LRP4: variants seen among roughly 807,000 people sequenced by gnomAD.
The protein encoded by LRP4 is low-density lipoprotein receptor-related protein 4.
LRP4 carries 95 observed loss-of-function variants against 220.3 expected under a neutral mutation model. The observed-to-expected ratio is 0.43, with a 90% CI of 0.37 to 0.51. The LOEUF (loss-of-function observed/expected upper bound fraction) is 0.51, where lower values mean the gene tolerates loss of function less well. LRP4 is among the 20% of genes least tolerant of loss of function. The pLI is 0.00. For synonymous variants in LRP4, 903 were observed against 954.6 expected (o/e 0.95, Z 1.00); for missense variants, 1,925 against 2,567.0 (o/e 0.75, Z 5.40).
At position 46,898,599 on chromosome 11, in the gene LRP4, C is replaced by G; in HGVS notation, c.755G>C (p.Gly252Ala). 6.2e-7 allele frequency: 1 copy of G among 1,614,214 alleles called. No homozygotes were observed. The highest frequency in any genetic ancestry group is 8.5e-7 in the Non-Finnish European group (1 of 1,180,034). Residue 252 changes from glycine to alanine, a missense_variant, in exon 7 of 38, where the codon GGT becomes GCT. Gly to Ala is a moderately conservative substitution (Grantham distance 60, BLOSUM62 0). Coordinates refer to ENST00000378623, the MANE Select transcript of LRP4 (RefSeq NM_002334.4). ...LCINAGWRCD[G>A]DADCDDQSDE... ...AGACTGGTCATCACAGTCCGCGTCA[C>G]CATCGCAGCGCCAGCCTGCATTGAT...
intron 30 of LRP4, among the ~76,000 whole-genome samples, chr11:46,872,116 C>T (rs61898465): frequency 0.088 from 13,343 of 152,066 alleles, 603 homozygotes; most frequent in Non-Finnish European, 0.1. Flanking sequence ...ATTAGCCAGG[C>T]GTGGTGACAC....
Position 46,890,608 on chromosome 11 carries a change from T to G in LRP4, c.1698-114A>C. On this transcript the variant is annotated intron_variant, in intron 13 of 37. Transcript: ENST00000378623. This position sits in a 1 kb window ranked among gnomAD's most constrained non-coding sequence, Gnocchi z 5.3. ...TAACTCAGGGGACTCCAATGTTTGG[T>G]CCACAGAATGAATTTTTTTTTTAGA... 2.7e-6 allele frequency: 2 copies of G among 744,300 alleles called. No homozygotes were observed. The highest frequency in any genetic ancestry group is 3.1e-5 in the South Asian group (2 of 64,238). 46.1% of individuals were successfully genotyped at this position (744,300 alleles called of 1,614,324 possible).
rs144542934 is a variant in LRP4, at chr11:46,896,488, T to A, written c.923-153A>T. Among the ~76,000 whole-genome samples the A allele has an allele frequency of 2.8e-3, 429 of 152,332 alleles. 2 individuals carry two copies. The highest frequency in any genetic ancestry group is 9.8e-3 in the African/African-American group (406 of 41,580). ...AGGAAGCAGCTCAGACAGGGCTGGCTGAATGTCTGCATTTGCTTTCTCCCC... is the reference window on the plus strand; with the variant it reads ...AGGAAGCAGCTCAGACAGGGCTGGCAGAATGTCTGCATTTGCTTTCTCCCC... On this transcript the variant is annotated intron_variant, in intron 8 of 37. Transcript: ENST00000378623.
chr11:46,894,877 C>T, intron 11 of LRP4, 58 bp from the exon 12 acceptor site: 2 of 1,440,940 alleles, frequency 1.4e-6, no homozygotes, highest in Non-Finnish European at 2.0e-6. Context: ...CCCTGGTACC[C>T]ATCAGCAGGT....
chr11:46,875,776 T>C lies in LRP4; in HGVS notation c.3699+28A>G, dbSNP rs1358112400. 3 of 1,613,832 alleles carry C rather than the reference T, an allele frequency of 1.9e-6. No individual in the cohort carries two copies. Among genetic ancestry groups the C allele is most frequent in the East Asian group, 2.2e-5 (1 of 44,878 alleles). On this transcript the variant is annotated intron_variant, in intron 26 of 37. Coordinates refer to ENST00000378623, the MANE Select transcript of LRP4 (RefSeq NM_002334.4). This position sits in a 1 kb window ranked among gnomAD's most constrained non-coding sequence, Gnocchi z 4.5. Reference sequence around the variant, plus strand: ...GGCCTTTCCCATCTTCCCAGGCTCCTGGGAAGCAGCAGGGACACGGCTCTC... The same window carrying C: ...GGCCTTTCCCATCTTCCCAGGCTCCCGGGAAGCAGCAGGGACACGGCTCTC...
chr11:46,918,287 G>A lies in LRP4; in HGVS notation c.52+41C>T. 6.6e-7 allele frequency: 1 copy of A among 1,506,926 alleles called. No homozygotes were observed. The highest frequency in any genetic ancestry group is 8.8e-7 in the Non-Finnish European group (1 of 1,132,728). 93.3% of individuals were successfully genotyped at this position (1,506,926 alleles called of 1,614,324 possible). On this transcript the variant is annotated intron_variant, in intron 1 of 37. Transcript: ENST00000378623. The surrounding 1 kb of genome is among the most constrained non-coding windows in gnomAD (Gnocchi z 6.0). Reference sequence around the variant, plus strand: ...GTCCCGGGAGGCGAGTCCTGCAGCGGCCGGACCCAGGGACAAACTTTCCCG... The same window carrying A: ...GTCCCGGGAGGCGAGTCCTGCAGCGACCGGACCCAGGGACAAACTTTCCCG...
Position 46,909,145 on chromosome 11 carries a change from TG to T in LRP4, c.53-6217del, listed in dbSNP as rs563856410. On this transcript the variant is annotated intron_variant, in intron 1 of 37. Coordinates refer to ENST00000378623, the MANE Select transcript of LRP4 (RefSeq NM_002334.4). ...ATTCCATAGAATGCACAGCTGAAGG[TG>T]GACCACATCTGTCACATGGAGGCAC... 2.8e-3 allele frequency among the ~76,000 whole-genome samples: 427 copies of T among 152,166 alleles called. 1 individual carries two copies. The highest frequency in any genetic ancestry group is 4.4e-3 in the Non-Finnish European group (302 of 67,998).
chr11:46,883,532 A>G (rs542513522), intron 19 of LRP4, among the ~76,000 whole-genome samples: 1 of 152,340 alleles, frequency 6.6e-6, no homozygotes, highest in South Asian at 2.1e-4. Context: ...CTTTTAGTTA[A>G]TATCTATAGA....
chr11:46,897,126 GTCTT>G lies in LRP4; in HGVS notation c.797-136_797-133del. On this transcript the variant is annotated intron_variant, in intron 7 of 37. Transcript: ENST00000378623. ...CGGGATCACAGCTGGTCTATATAGTGTCTTTGTGTGAATCAGAAAAAAGTATCCT... is the reference window on the plus strand; with the variant it reads ...CGGGATCACAGCTGGTCTATATAGTGTGTGTGAATCAGAAAAAAGTATCCT... 3 of 1,168,440 alleles carry G rather than the reference GTCTT, an allele frequency of 2.6e-6. No individual in the cohort carries two copies. In the Admixed American group the frequency reaches 5.6e-5, roughly 22 times the overall value. 72.4% of individuals were successfully genotyped at this position (1,168,440 alleles called of 1,614,324 possible).
Position 46,893,033 on chromosome 11 carries a change from T to C in LRP4, c.1637A>G (p.Lys546Arg), listed in dbSNP as rs1313161330. 6.2e-7 allele frequency: 1 copy of C among 1,613,946 alleles called. No homozygotes were observed. The highest frequency in any genetic ancestry group is 8.5e-7 in the Non-Finnish European group (1 of 1,179,976). The change falls in exon 13 of 38, where the codon AAA becomes AGA. Residue 546 changes from lysine to arginine, a missense_variant. Around this residue, in one of 3 missense-constraint regions of LRP4, gnomAD observed 269 missense variants for 436.7 expected, o/e 0.62. Coordinates refer to ENST00000378623, the MANE Select transcript of LRP4 (RefSeq NM_002334.4). ...CTCCAGGTTCTGCCACAGCAACACT[T>C]TCCGGTGGGCCCCATCCAGATTGGC... ...EVANLDGAHR[K>R]VLLWQNLEKP...
chr11:46,889,445 G>T lies in LRP4; in HGVS notation c.2181C>A (p.Gly727=). Residue 727 remains glycine, a synonymous_variant, in exon 16 of 38, where the codon GGC becomes GGA. Transcript: ENST00000378623. ...GQNYTCACPT[G]FRKISSHACA... is the part of the protein sequence containing the mutation. ...AGGCGTGGCTGCTGATCTTGCGGAA[G>T]CCAGTGGGGCAGGCACAGGTGTAGT... The T allele has an allele frequency of 6.2e-7, 1 of 1,614,120 alleles. No homozygotes were observed. The highest frequency in any genetic ancestry group is 8.5e-7 in the Non-Finnish European group (1 of 1,180,030).
In LRP4 at chr11:46,893,054, T is replaced by C. The variant is rs1023591098; in HGVS notation, c.1616A>G (p.Asn539Ser). 3 of 1,614,178 alleles carry C rather than the reference T, an allele frequency of 1.9e-6. No individual in the cohort carries two copies. The highest frequency in any genetic ancestry group is 2.5e-6 in the Non-Finnish European group (3 of 1,180,022). The change falls in exon 13 of 38, where the codon AAT (asparagine) becomes AGT (serine). Residue 539 changes from asparagine (N) to serine (S), a missense_variant. By Grantham distance (46) the Asn-to-Ser change is conservative. Around this residue, in one of 3 missense-constraint regions of LRP4, gnomAD observed 269 missense variants for 436.7 expected, o/e 0.62. Coordinates refer to ENST00000378623, the MANE Select transcript of LRP4 (RefSeq NM_002334.4). ...CACTTTCCGGTGGGCCCCATCCAGATTGGCCACCTCAATCCTCGAGGTGCC... is the reference window on the plus strand; with the variant it reads ...CACTTTCCGGTGGGCCCCATCCAGACTGGCCACCTCAATCCTCGAGGTGCC... ...DSGTSRIEVA[N>S]LDGAHRKVLL...
Position 46,900,285 on chromosome 11 carries a change from T to C in LRP4, c.293A>G (p.Asp98Gly). 6.2e-7 allele frequency: 1 copy of C among 1,614,036 alleles called. No individual in the cohort carries two copies. The highest frequency in any genetic ancestry group is 8.5e-7 in the Non-Finnish European group (1 of 1,179,880). The change falls in exon 3 of 38, where the codon GAT (aspartate) becomes GGT (glycine). Residue 98 changes from aspartate to glycine, a missense_variant. By Grantham distance (94) the Asp-to-Gly change is moderately conservative. Coordinates refer to ENST00000378623, the MANE Select transcript of LRP4 (RefSeq NM_002334.4). ...WVCDGDNDCE[D>G]DSDEQDCPPR... ...ACGACAGTCCTGCTCATCCGAGTCA[T>C]CCTCACAGTCGTTGTCCCCGTCACA...
chr11:46,868,786 G>C (rs1465601631), intron 32 of LRP4, 73 bp from the exon 33 acceptor site: 8 of 1,329,388 alleles, frequency 6.0e-6, no homozygotes, highest in Non-Finnish European at 7.6e-6. Context: ...CTCAAAAACA[G>C]AGGAAATCCA....
At chr11:46,878,786 C>G (rs1464089267) in intron 22 of LRP4, 121 bp downstream of exon 22, 1 of 1,437,864 alleles carries the variant, frequency 7.0e-7, no homozygotes, top group Non-Finnish European at 9.7e-7. Flanking sequence ...TCCCCTGGGC[C>G]TCTAGAAGCA....
Position 46,894,764 on chromosome 11 carries a change from T to C in LRP4, c.1365A>G (p.Pro455=), listed in dbSNP as rs143481229. The change falls in exon 12 of 38, where the codon CCA becomes CCG. Residue 455 remains proline (P), a synonymous_variant. Transcript: ENST00000378623. ...ANRIDIRQVL[P]HRSEYTLLLN... ...GCAGCAGTGTGTACTCAGAGCGGTG[T>C]GGCAGCACCTGCCGGATGTCGATGC... 6.7e-4 allele frequency: 1,083 copies of C among 1,614,174 alleles called. 20 individuals carry two copies. The South Asian group carries it at 0.011, about 17-fold the overall frequency.
intron 2 of LRP4, among the ~76,000 whole-genome samples, chr11:46,901,383 C>T (rs748511862): frequency 1.3e-5 from 2 of 152,204 alleles, no homozygotes; most frequent in Non-Finnish European, 2.9e-5. Context: ...CTGAGCAAGT[C>T]ATTTACCCTC....
chr11:46,888,563 A>AG (rs1555173401), intron 16 of LRP4, among the ~76,000 whole-genome samples: 4 of 145,322 alleles, frequency 2.8e-5, no homozygotes, highest in African/African-American at 1.1e-4. Flanking sequence ...AAAAAAAAAA[A>AG]AAAAAAAAAA....
Position 46,873,927 on chromosome 11 carries a change from G to A in LRP4, c.4230-334C>T, listed in dbSNP as rs1000086089. ...TTGCTAGGTGGTGATGATAAGAAACGCAGATTTGTCAAAACCAACCTGTGC... is the reference window on the plus strand; with the variant it reads ...TTGCTAGGTGGTGATGATAAGAAACACAGATTTGTCAAAACCAACCTGTGC... On this transcript the variant is annotated intron_variant, in intron 28 of 37. Transcript: ENST00000378623. This position sits in a 1 kb window ranked among gnomAD's most constrained non-coding sequence, Gnocchi z 4.2. 1.3e-4 allele frequency: 44 copies of A among 326,692 alleles called. No individual in the cohort carries two copies. In the Admixed American group the frequency reaches 1.5e-3, roughly 11 times the overall value. 20.2% of individuals were successfully genotyped at this position (326,692 alleles called of 1,614,324 possible). A position where few individuals can be genotyped will look rare whatever the true frequency, so the allele number is the denominator to read the frequency against.
Sources: allele counts gnomAD v4.1 joint callset (sites outside exome capture counted in the v4.1 genomes callset), GRCh38; gene constraint gnomAD v4.1.1; regional missense constraint gnomAD v4.1.1; non-coding constraint Gnocchi (gnomAD v3.1); transcripts MANE v1.5; gene names NCBI Gene and HGNC (gene_info 2026-07-23, HGNC 2026-07-21).